LOC128092252: variants seen among roughly 807,000 people sequenced by gnomAD.
chr15:50,658,787 T>C, the LOC128092252 span, among the ~76,000 whole-genome samples: 2 of 152,196 alleles, frequency 1.3e-5, no homozygotes, highest in African/African-American at 4.8e-5. Flanking sequence ...ACAAGGTCGT[T>C]GACTGCAGAA....
At chr15:50,657,213 A>G in the LOC128092252 span, among the ~76,000 whole-genome samples, 1 of 152,060 alleles carries the variant, frequency 6.6e-6, no homozygotes, top group Non-Finnish European at 1.5e-5. Context: ...AATCCCAGCT[A>G]CTCGGGAGGC....
chr15:50,684,156 GT>G, the LOC128092252 span, among the ~76,000 whole-genome samples: 36 of 142,812 alleles, frequency 2.5e-4, no homozygotes, highest in African/African-American at 4.3e-4. Context: ...TGATTAAGTC[GT>G]TTTTTTTTTT....
chr15:50,668,670 G>C, the LOC128092252 span, among the ~76,000 whole-genome samples: 5 of 152,090 alleles, frequency 3.3e-5, no homozygotes, highest in African/African-American at 1.2e-4. Flanking sequence ...ACCACACCAA[G>C]CTACTTTTTG....
chr15:50,666,530 G>C, the LOC128092252 span, among the ~76,000 whole-genome samples: 1,199 of 152,098 alleles, frequency 7.9e-3, 20 homozygotes, highest in African/African-American at 0.028. Context: ...GAGGCCGGGT[G>C]CAGTGGCTTA....
At chr15:50,679,692 C>T in the LOC128092252 span, among the ~76,000 whole-genome samples, 1 of 150,672 alleles carries the variant, frequency 6.6e-6, no homozygotes, top group East Asian at 2.0e-4. Flanking sequence ...CACACCATCA[C>T]GTCCAGCTGA....
chr15:50,674,619 AT>A, the LOC128092252 span, among the ~76,000 whole-genome samples: 2 of 152,176 alleles, frequency 1.3e-5, no homozygotes, highest in Non-Finnish European at 2.9e-5. Context: ...CTCTATTTAC[AT>A]TTACCAGTAA....
chr15:50,652,986 T>A, the LOC128092252 span, among the ~76,000 whole-genome samples: 1 of 151,962 alleles, frequency 6.6e-6, no homozygotes, highest in Non-Finnish European at 1.5e-5. Context: ...ATGGCAAAAC[T>A]CCTTCTCTAC....
chr15:50,651,629 C>A, the LOC128092252 span, among the ~76,000 whole-genome samples: 1 of 151,740 alleles, frequency 6.6e-6, no homozygotes, highest in African/African-American at 2.4e-5. Context: ...GACTCTGTCT[C>A]TAAACGAAAA....
At chr15:50,678,108 G>C in the LOC128092252 span, among the ~76,000 whole-genome samples, 1 of 151,510 alleles carries the variant, frequency 6.6e-6, no homozygotes, top group South Asian at 2.1e-4. Flanking sequence ...GGGCGTGGTG[G>C]TGGGCGCCTG....
At chr15:50,675,014 C>T in the LOC128092252 span, among the ~76,000 whole-genome samples, 1 of 152,052 alleles carries the variant, frequency 6.6e-6, no homozygotes, top group South Asian at 2.1e-4. Context: ...AAATTTTATG[C>T]CTACAGGGAC....
the LOC128092252 span, among the ~76,000 whole-genome samples, chr15:50,656,247 G>A: frequency 2.0e-5 from 3 of 152,058 alleles, no homozygotes; most frequent in South Asian, 4.2e-4. Context: ...GAAATGAAAA[G>A]GACTGGAGAT....
chr15:50,664,352 A>G, the LOC128092252 span, among the ~76,000 whole-genome samples: 3 of 151,892 alleles, frequency 2.0e-5, no homozygotes, highest in Non-Finnish European at 4.4e-5. Flanking sequence ...AAAAAATAAA[A>G]CCCAGCTACA....
the LOC128092252 span, among the ~76,000 whole-genome samples, chr15:50,671,778 C>G: frequency 6.6e-6 from 1 of 152,076 alleles, no homozygotes; most frequent in Non-Finnish European, 1.5e-5. Context: ...CCACTACACT[C>G]CAGCCTGGGT....
the LOC128092252 span, among the ~76,000 whole-genome samples, chr15:50,660,245 A>G: frequency 7.8e-4 from 119 of 152,348 alleles, no homozygotes; most frequent in South Asian, 6.2e-4. Flanking sequence ...TGATCCAAAA[A>G]GAACTAATCA....
the LOC128092252 span, among the ~76,000 whole-genome samples, chr15:50,650,094 G>C: frequency 6.7e-6 from 1 of 149,900 alleles, no homozygotes; most frequent in African/African-American, 2.5e-5. Context: ...TCAGGAGGCT[G>C]AGGCAGGAGA....
the LOC128092252 span, among the ~76,000 whole-genome samples, chr15:50,651,331 T>C: frequency 4.6e-5 from 7 of 152,306 alleles, no homozygotes; most frequent in African/African-American, 1.4e-4. Flanking sequence ...ACAAGTATTA[T>C]AAATGAGCTC....
At chr15:50,653,691 T>C in the LOC128092252 span, among the ~76,000 whole-genome samples, 10 of 152,124 alleles carry the variant, frequency 6.6e-5, no homozygotes, top group Non-Finnish European at 1.2e-4. Flanking sequence ...AACAGAATTC[T>C]AGGCTGTTGA....
the LOC128092252 span, among the ~76,000 whole-genome samples, chr15:50,664,166 C>T: frequency 5.3e-5 from 8 of 151,208 alleles, no homozygotes; most frequent in South Asian, 2.1e-4. Flanking sequence ...GGTGTGGTGG[C>T]GTGTGCCTGT....
At chr15:50,660,348 T>C in the LOC128092252 span, among the ~76,000 whole-genome samples, 1 of 152,084 alleles carries the variant, frequency 6.6e-6, no homozygotes, top group African/African-American at 2.4e-5. Flanking sequence ...TTAAAATATA[T>C]ACTATTATAA....
Sources: allele counts gnomAD v4.1 joint callset (sites outside exome capture counted in the v4.1 genomes callset), GRCh38; gene constraint gnomAD v4.1.1; transcripts MANE v1.5.